Variants in SLX4IP observed in about 807,000 individuals in gnomAD.
SLX4IP encodes the protein SLX4 interacting protein, also known as protein SLX4IP.
In SLX4IP, 34 loss-of-function variants were observed where a neutral mutation model predicts 32.9. The observed-to-expected ratio is 1.03, with a 90% CI of 0.79 to 1.38. The LOEUF (loss-of-function observed/expected upper bound fraction) is 1.38. SLX4IP is among the 40% of genes most tolerant of loss of function. The probability of loss-of-function intolerance (pLI) is 0.00; values close to 1 mark genes in which losing one functional copy is unlikely to be tolerated. For missense variants in SLX4IP, 444 were observed against 479.0 expected (o/e 0.93, Z 0.68); for synonymous variants, 172 against 171.7 (o/e 1.00, Z -0.01).
At chr20:10,466,299 C>T (rs147864642) in intron 2 of SLX4IP, among the ~76,000 whole-genome samples, 11 of 152,270 alleles carry the variant, frequency 7.2e-5, no homozygotes, top group Non-Finnish European at 1.0e-4. Flanking sequence ...TGGGTCCCAG[C>T]GGAGCAGTGC....
chr20:10,494,201 A>G, intron 2 of SLX4IP, among the ~76,000 whole-genome samples: 1 of 151,778 alleles, frequency 6.6e-6, no homozygotes, highest in East Asian at 1.9e-4. Flanking sequence ...ATCTCGTTAA[A>G]TGATGGATCA....
intron 6 of SLX4IP, among the ~76,000 whole-genome samples, chr20:10,607,625 G>A (rs990256213): frequency 1.3e-5 from 2 of 152,106 alleles, no homozygotes; most frequent in African/African-American, 2.4e-5. Flanking sequence ...AGTGGCCTAC[G>A]ATGGGCTGTT....
intron 2 of SLX4IP, among the ~76,000 whole-genome samples, chr20:10,551,131 A>G (rs1407725252): frequency 6.6e-6 from 1 of 152,230 alleles, no homozygotes; most frequent in Non-Finnish European, 1.5e-5. Flanking sequence ...CACAGAAGAC[A>G]AGACCTCCCA....
At chr20:10,436,443 G>GC (rs1201106939) in intron 1 of SLX4IP, among the ~76,000 whole-genome samples, 2 of 151,740 alleles carry the variant, frequency 1.3e-5, no homozygotes, top group Admixed American at 6.6e-5. Context: ...TGCCATCTCC[G>GC]CCCCCCGGGT....
chr20:10,614,283 C>A, intron 6 of SLX4IP: 1 of 600,530 alleles, frequency 1.7e-6, no homozygotes. Flanking sequence ...AGACAGAATT[C>A]ATGAAGTCCT....
At chr20:10,507,180 G>A (rs1405107986) in intron 2 of SLX4IP, among the ~76,000 whole-genome samples, 1 of 152,216 alleles carries the variant, frequency 6.6e-6, no homozygotes, top group Non-Finnish European at 1.5e-5. Context: ...AAGCCTATGG[G>A]AGGCCAGTGC....
intron 4 of SLX4IP, among the ~76,000 whole-genome samples, chr20:10,576,600 T>C (rs2066526001): frequency 6.6e-6 from 1 of 152,282 alleles, no homozygotes; most frequent in East Asian, 1.9e-4. Context: ...TAACTCCACA[T>C]GATCTCACGC....
At chr20:10,487,644 A>G (rs1341640668) in intron 2 of SLX4IP, among the ~76,000 whole-genome samples, 2 of 152,116 alleles carry the variant, frequency 1.3e-5, no homozygotes, top group Non-Finnish European at 2.9e-5. Context: ...GGAGACTGAG[A>G]CCTGTTGGGA....
intron 1 of SLX4IP, among the ~76,000 whole-genome samples, chr20:10,440,933 T>C (rs1022585400): frequency 6.6e-6 from 1 of 152,164 alleles, no homozygotes; most frequent in Non-Finnish European, 1.5e-5. Context: ...ACATATCTGA[T>C]CTCATGTAAT....
intron 4 of SLX4IP, among the ~76,000 whole-genome samples, chr20:10,572,816 C>T (rs1247465076): frequency 6.6e-6 from 1 of 152,114 alleles, no homozygotes; most frequent in Admixed American, 6.5e-5. Context: ...CTGTGGCATC[C>T]GAGGTATCTT....
At chr20:10,585,095 GT>G (rs1179222373) in intron 4 of SLX4IP, among the ~76,000 whole-genome samples, 1 of 152,162 alleles carries the variant, frequency 6.6e-6, no homozygotes, top group East Asian at 1.9e-4. Flanking sequence ...TTAATTTAAT[GT>G]TTTCCCCTGA....
At chr20:10,497,845 TG>T (rs2065681971) in intron 2 of SLX4IP, among the ~76,000 whole-genome samples, 1 of 152,016 alleles carries the variant, frequency 6.6e-6, no homozygotes, top group East Asian at 1.9e-4. Flanking sequence ...AAATTTTTTT[TG>T]GTGTTAATTT....
At chr20:10,602,261 A>G (rs1433005655) in intron 6 of SLX4IP, among the ~76,000 whole-genome samples, 1 of 152,104 alleles carries the variant, frequency 6.6e-6, no homozygotes, top group Non-Finnish European at 1.5e-5. Context: ...GTATTATTTC[A>G]TAGCTGATAG....
intron 2 of SLX4IP, among the ~76,000 whole-genome samples, chr20:10,471,337 C>T (rs2065423272): frequency 6.6e-6 from 1 of 152,192 alleles, no homozygotes; most frequent in Non-Finnish European, 1.5e-5. Flanking sequence ...GATGATTGCC[C>T]ATCCCTAACC....
rs750159779 is a variant in SLX4IP at position 10,556,193 on chromosome 20, G to A, written c.28-38G>A. 4 of 1,577,264 alleles carry A rather than the reference G, an allele frequency of 2.5e-6. No individual in the cohort carries two copies. In the South Asian group the frequency reaches 4.6e-5, roughly 18 times the overall value. ...TTCTCTCATTGTTTGCTGGGCATGAGCCGCACAGACACTGACTCTGCCATT... is the reference window on the plus strand; with the variant it reads ...TTCTCTCATTGTTTGCTGGGCATGAACCGCACAGACACTGACTCTGCCATT... On this transcript the variant is annotated intron_variant, in intron 2 of 7. Transcript: ENST00000334534.
chr20:10,498,720 G>T (rs992572444), intron 2 of SLX4IP, among the ~76,000 whole-genome samples: 5 of 149,394 alleles, frequency 3.3e-5, no homozygotes, highest in African/African-American at 1.2e-4. Flanking sequence ...TTTACAACTG[G>T]TGATTATACC....
intron 2 of SLX4IP, among the ~76,000 whole-genome samples, chr20:10,535,317 G>C (rs1160315802): frequency 1.7e-4 from 26 of 152,060 alleles, no homozygotes. Context: ...TGGAAAGAAC[G>C]TGCAGGTTTT....
At position 10,601,727 on chromosome 20, in the gene SLX4IP, A is replaced by G. The variant is rs1472226023; in HGVS notation, c.317-4A>G. ...TTAAACTTGTTTTTCTTCATTTTATACAGAACTCTGTGTATTCCCTGACAG... is the reference window on the plus strand; with the variant it reads ...TTAAACTTGTTTTTCTTCATTTTATGCAGAACTCTGTGTATTCCCTGACAG... On this transcript the variant is annotated splice_polypyrimidine_tract_variant and splice_region_variant and intron_variant, in intron 5 of 7. Coordinates refer to ENST00000334534, the MANE Select transcript of SLX4IP (RefSeq NM_001009608.3). The G allele has an allele frequency of 6.2e-7, 1 of 1,613,226 alleles. No individual in the cohort carries two copies. The highest frequency in any genetic ancestry group is 8.5e-7 in the Non-Finnish European group (1 of 1,179,396).
At chr20:10,503,068 C>T (rs979258221) in intron 2 of SLX4IP, among the ~76,000 whole-genome samples, 4 of 152,160 alleles carry the variant, frequency 2.6e-5, no homozygotes, top group African/African-American at 7.2e-5. Context: ...GCCTTAGACA[C>T]ACCTCCAGCA....
Sources: gnomAD v4.1 joint callset for allele counts (sites outside exome capture counted in the v4.1 genomes callset) on GRCh38, gnomAD v4.1.1 for gene constraint, MANE v1.5 for transcripts, NCBI Gene and HGNC (gene_info 2026-07-23, HGNC 2026-07-21) for gene names.